Variants in NKAIN2 observed in about 807,000 individuals in gnomAD.
NKAIN2 encodes sodium/potassium transporting ATPase interacting 2.
Under a neutral mutation model 32.6 loss-of-function variants are expected in NKAIN2, and 14 were observed. The ratio of observed to expected loss-of-function variants is 0.43; its 90% CI spans 0.28 to 0.67. The LOEUF is 0.67. Among genes scored for constraint, NKAIN2 ranks in the 30% least tolerant of loss-of-function variants. The pLI, the probability that NKAIN2 is intolerant of heterozygous loss-of-function variation, is 0.17. For synonymous variants in NKAIN2, 80 were observed against 87.2 expected, an observed-to-expected ratio of 0.92 and a Z score of 0.46; for missense variants, 198 against 258.3, an observed-to-expected ratio of 0.77 and a Z score of 1.60.
At chr6:124,603,769 C>T (rs1447463139) in intron 3 of NKAIN2, among the ~76,000 whole-genome samples, 1 of 151,904 alleles carries the variant, frequency 6.6e-6, no homozygotes, top group South Asian at 2.1e-4. Context: ...CAGACTGTCC[C>T]GGGAAAACCC....
chr6:124,162,004 G>A (rs532182267), intron 1 of NKAIN2, among the ~76,000 whole-genome samples: 2 of 152,232 alleles, frequency 1.3e-5, no homozygotes, highest in Non-Finnish European at 2.9e-5. Context: ...ATTATTTGAA[G>A]TTTAACAGGG....
intron 1 of NKAIN2, among the ~76,000 whole-genome samples, chr6:124,210,241 T>C (rs802238): frequency 0.7 from 105,457 of 151,618 alleles, 36,922 homozygotes; most frequent in South Asian, 0.76. Flanking sequence ...CGGCACTTTT[T>C]CAAAAATGAG....
chr6:123,950,864 C>T (rs949362130), intron 1 of NKAIN2, among the ~76,000 whole-genome samples: 1 of 151,598 alleles, frequency 6.6e-6, no homozygotes, highest in Non-Finnish European at 1.5e-5. Flanking sequence ...TTTGTAGTTC[C>T]TTGAAGGGTA....
chr6:124,071,418 A>G (rs1002017121), intron 1 of NKAIN2, among the ~76,000 whole-genome samples: 2 of 152,198 alleles, frequency 1.3e-5, no homozygotes, highest in African/African-American at 4.8e-5. Flanking sequence ...CTTTGGAAAT[A>G]ATTTATTATT....
chr6:124,503,713 A>G (rs956396259), intron 3 of NKAIN2, among the ~76,000 whole-genome samples: 7 of 152,184 alleles, frequency 4.6e-5, no homozygotes, highest in African/African-American at 1.4e-4. Context: ...GAAGGCACAA[A>G]AATAAAACTG....
At chr6:124,014,360 C>T (rs996255992) in intron 1 of NKAIN2, among the ~76,000 whole-genome samples, 3 of 151,942 alleles carry the variant, frequency 2.0e-5, no homozygotes, top group Non-Finnish European at 4.4e-5. Context: ...TTGTAACTGG[C>T]CATTAGTCTT....
chr6:124,042,350 G>A (rs1375392361), intron 1 of NKAIN2, among the ~76,000 whole-genome samples: 1 of 151,980 alleles, frequency 6.6e-6, no homozygotes, highest in Non-Finnish European at 1.5e-5. Context: ...TACCCCTCCA[G>A]ACTGACAAAT....
chr6:123,963,487 G>T (rs1296436647), intron 1 of NKAIN2, among the ~76,000 whole-genome samples: 2 of 151,692 alleles, frequency 1.3e-5, no homozygotes, highest in Non-Finnish European at 2.9e-5. Flanking sequence ...TTTGAATTCT[G>T]GCTATAACTG....
intron 1 of NKAIN2, among the ~76,000 whole-genome samples, chr6:124,027,437 G>T (rs1215801739): frequency 6.6e-6 from 1 of 152,084 alleles, no homozygotes; most frequent in African/African-American, 2.4e-5. Context: ...GAGCCACCGC[G>T]CCCAGCCAAT....
At position 124,818,417 on chromosome 6, in the gene NKAIN2, G is replaced by T; in HGVS notation, c.566G>T (p.Gly189Val). The change falls in exon 6 of 7, where the codon GGC becomes GTC. Residue 189 changes from glycine (G) to valine (V), a missense_variant. Transcript: ENST00000368417. ...TTCATAGGTGGCTTTGACTCTTATG[G>T]CTATCAAGGGCCTCAGAAGACATCT... ...FDFIGGFDSY[G>V]YQGPQKTSHL... The T allele has an allele frequency of 1.2e-6, 2 of 1,605,046 alleles. No individual in the cohort carries two copies. The highest frequency in any genetic ancestry group is 1.7e-6 in the Non-Finnish European group (2 of 1,172,608).
intron 4 of NKAIN2, among the ~76,000 whole-genome samples, chr6:124,786,515 A>C (rs1424764021): frequency 2.0e-5 from 3 of 152,122 alleles, no homozygotes; most frequent in Admixed American, 2.0e-4. Context: ...TCTGGGACAT[A>C]CAATCATAAT....
chr6:124,016,302 G>A (rs1308281655), intron 1 of NKAIN2, among the ~76,000 whole-genome samples: 1 of 152,098 alleles, frequency 6.6e-6, no homozygotes, highest in Non-Finnish European at 1.5e-5. Context: ...CAGTTGTACT[G>A]TCAAAAACTA....
chr6:123,902,928 C>T (rs1164723476), intron 1 of NKAIN2, among the ~76,000 whole-genome samples: 1 of 152,100 alleles, frequency 6.6e-6, no homozygotes, highest in Admixed American at 6.6e-5. Context: ...TATACAGAGC[C>T]TTAATCTATT....
intron 3 of NKAIN2, among the ~76,000 whole-genome samples, chr6:124,438,654 C>T (rs1381466050): frequency 6.6e-6 from 1 of 152,146 alleles, no homozygotes; most frequent in Non-Finnish European, 1.5e-5. Flanking sequence ...TTAGCCTGCT[C>T]TCATGCAGCG....
At chr6:124,765,079 C>A (rs886505617) in intron 4 of NKAIN2, among the ~76,000 whole-genome samples, 1 of 152,032 alleles carries the variant, frequency 6.6e-6, no homozygotes, top group African/African-American at 2.4e-5. Flanking sequence ...TATCTAAGAC[C>A]CTCAGATGGA....
At chr6:124,422,434 A>G (rs188498971) in intron 3 of NKAIN2, among the ~76,000 whole-genome samples, 2 of 152,296 alleles carry the variant, frequency 1.3e-5, no homozygotes, top group East Asian at 1.9e-4. Context: ...TGCCCTAACC[A>G]TTGTTAGCGT....
At chr6:124,490,126 C>T (rs1216262384) in intron 3 of NKAIN2, among the ~76,000 whole-genome samples, 1 of 151,774 alleles carries the variant, frequency 6.6e-6, no homozygotes, top group Non-Finnish European at 1.5e-5. Flanking sequence ...CTGCCTAAAC[C>T]TTGACCTTAT....
At chr6:124,340,373 T>C (rs1798066366) in intron 2 of NKAIN2, among the ~76,000 whole-genome samples, 1 of 152,182 alleles carries the variant, frequency 6.6e-6, no homozygotes, top group Admixed American at 6.5e-5. Context: ...CCTAGGCCTT[T>C]TCTTTTTTTA....
At chr6:123,805,780 GA>G in intron 1 of NKAIN2, among the ~76,000 whole-genome samples, 1 of 152,174 alleles carries the variant, frequency 6.6e-6, no homozygotes, top group Non-Finnish European at 1.5e-5. Flanking sequence ...ATATTATTCA[GA>G]AAAAGAATAC....
Sources: allele counts gnomAD v4.1 joint callset (sites outside exome capture counted in the v4.1 genomes callset), GRCh38; gene constraint gnomAD v4.1.1; transcripts MANE v1.5; gene names NCBI Gene and HGNC (gene_info 2026-07-23, HGNC 2026-07-21).